The following C2orf49 variants were observed in gnomAD, a reference collection of about 807,000 sequenced individuals.
C2orf49 encodes the protein tRNA-splicing ligase complex subunit ASW.
Under a neutral mutation model 20.6 loss-of-function variants are expected in C2orf49, and 11 were observed. That is an observed-to-expected ratio of 0.53 (90% CI 0.34 to 0.88). The LOEUF (loss-of-function observed/expected upper bound fraction) is 0.88. Among genes scored for constraint, C2orf49 ranks in the 40% least tolerant of loss-of-function variants. The pLI is 0.02. For missense variants in C2orf49, 289 were observed against 274.2 expected, an observed-to-expected ratio of 1.05 and a Z score of -0.38; for synonymous variants, 134 against 108.5, an observed-to-expected ratio of 1.24 and a Z score of -1.46.
At chr2:105,364,143 C>G in the C2orf49 span, among the ~76,000 whole-genome samples, 2 of 152,264 alleles carry the variant, frequency 1.3e-5, no homozygotes, top group South Asian at 4.1e-4. Context: ...GTATTCCCAG[C>G]TACTCAGGAG....
At chr2:105,358,380 A>G in the C2orf49 span, 1 of 152,172 alleles carries the variant, frequency 6.6e-6, no homozygotes, top group Non-Finnish European at 1.5e-5. Flanking sequence ...GCCCCTCCCA[A>G]TGTGGAGCCT....
At chr2:105,363,676 G>A in the C2orf49 span, among the ~76,000 whole-genome samples, 28 of 152,222 alleles carry the variant, frequency 1.8e-4, no homozygotes, top group Non-Finnish European at 3.2e-4. Context: ...TGGCTTTCCC[G>A]TTAGTGAAAC....
downstream of C2orf49, among the ~76,000 whole-genome samples, chr2:105,351,351 C>T (rs1679932593): frequency 7.5e-6 from 1 of 132,506 alleles, no homozygotes; most frequent in Non-Finnish European, 1.6e-5. Context: ...TTTCTGTTTC[C>T]CCTTTTCATA....
the C2orf49 span, chr2:105,376,296 C>G: frequency 6.6e-6 from 1 of 152,132 alleles, no homozygotes. Flanking sequence ...AAATCCTGGT[C>G]GGGTCTGTGT....
the C2orf49 span, among the ~76,000 whole-genome samples, chr2:105,356,033 C>T: frequency 6.6e-6 from 1 of 152,144 alleles, no homozygotes; most frequent in African/African-American, 2.4e-5. Flanking sequence ...ATCGCTTGAG[C>T]CCAGGAGTTT....
downstream of C2orf49, among the ~76,000 whole-genome samples, chr2:105,350,966 TA>T (rs1457031592): frequency 6.6e-6 from 1 of 152,184 alleles, no homozygotes; most frequent in Non-Finnish European, 1.5e-5. Context: ...GGTACCATGT[TA>T]TTTAGTTGTC....
the C2orf49 span, among the ~76,000 whole-genome samples, chr2:105,379,019 C>A: frequency 1.3e-5 from 2 of 152,118 alleles, no homozygotes; most frequent in Non-Finnish European, 2.9e-5. Context: ...GTGGGTCAAG[C>A]GCCCGCCCCT....
the C2orf49 span, among the ~76,000 whole-genome samples, chr2:105,373,212 T>A: frequency 9.9e-5 from 15 of 152,226 alleles, no homozygotes; most frequent in East Asian, 2.9e-3. Context: ...GAGTACAAAT[T>A]CAGCAGGTAG....
In C2orf49 at chr2:105,346,096, A is replaced by C. The variant is rs1202554020; in HGVS notation, c.*725A>C. 1 of 152,054 alleles carries C rather than the reference A, an allele frequency of 6.6e-6. No homozygotes were observed. Among genetic ancestry groups the C allele is most frequent in the Non-Finnish European group, 1.5e-5 (1 of 68,014 alleles). 9.4% of individuals were successfully genotyped at this position (152,054 alleles called of 1,614,324 possible). On this transcript the variant is annotated 3_prime_UTR_variant, in exon 4 of 4. Transcript: ENST00000258457. ...ATTTTACTAGTTTGCCTGCCATTTT[A>C]TTTCTTTTACAAAGCAGAAGCATAT...
At chr2:105,365,950 A>T in the C2orf49 span, among the ~76,000 whole-genome samples, 1 of 152,204 alleles carries the variant, frequency 6.6e-6, no homozygotes, top group Non-Finnish European at 1.5e-5. Context: ...CACGCCTGTA[A>T]TCCCAGCACT....
At chr2:105,342,181 A>T (rs1272195628) in intron 2 of C2orf49, among the ~76,000 whole-genome samples, 1 of 152,204 alleles carries the variant, frequency 6.6e-6, no homozygotes, top group Middle Eastern at 3.4e-3. Context: ...TCAAAAATAA[A>T]TTTTTTTTCA....
the C2orf49 span, chr2:105,373,464 T>C: frequency 7.3e-7 from 1 of 1,373,598 alleles, no homozygotes; most frequent in Non-Finnish European, 1.0e-6. Flanking sequence ...AACACGAGTG[T>C]CTGGAACCAA....
the C2orf49 span, among the ~76,000 whole-genome samples, chr2:105,362,836 C>T: frequency 1.3e-5 from 2 of 152,182 alleles, no homozygotes; most frequent in Non-Finnish European, 2.9e-5. Context: ...TTAGAATGTA[C>T]CCTCTGCCCT....
chr2:105,352,429 G>GTTTTTTTTTTTTTTTTT (rs61585149), downstream of C2orf49, among the ~76,000 whole-genome samples: 5 of 80,758 alleles, frequency 6.2e-5, no homozygotes, highest in African/African-American at 1.0e-4. Flanking sequence ...GTTTGTTTGG[G>GTTTTTTTTTTTTTTTTT]TTTTTTTTTT....
intron 1 of C2orf49, 129 bp from the exon 2 acceptor site, chr2:105,339,454 G>GA: frequency 1.3e-6 from 1 of 774,044 alleles, no homozygotes; most frequent in South Asian, 1.8e-5. Context: ...CTAAGTGCGC[G>GA]TGTTATTGTG....
the C2orf49 span, among the ~76,000 whole-genome samples, chr2:105,364,110 T>G: frequency 1.3e-5 from 2 of 152,070 alleles, no homozygotes; most frequent in African/African-American, 4.8e-5. Context: ...TACAAAAAAT[T>G]AGCTGAGTGT....
At position 105,345,342 on chromosome 2, in the gene C2orf49, A is replaced by G; in HGVS notation, c.670A>G (p.Arg224Gly). The change falls in exon 4 of 4, where the codon AGG becomes GGG. Residue 224 changes from arginine (R) to glycine (G), a missense_variant. Physicochemically the swap from Arg to Gly is moderately radical, Grantham distance 125. Coordinates refer to ENST00000258457, the MANE Select transcript of C2orf49 (RefSeq NM_024093.3). Reference sequence around the variant, plus strand: ...TAACCTGAAGCCCCCACAAGCAAAAAGGAAGATACAACATGTTACTTGGCC... The same window carrying G: ...TAACCTGAAGCCCCCACAAGCAAAAGGGAAGATACAACATGTTACTTGGCC... ...MNNLKPPQAK[R>G]KIQHVTWP 6.2e-7 allele frequency: 1 copy of G among 1,613,532 alleles called. No homozygotes were observed. Among genetic ancestry groups the G allele is most frequent in the Non-Finnish European group, 8.5e-7 (1 of 1,179,846 alleles).
chr2:105,339,541 A>G (rs1460049207), intron 1 of C2orf49, 42 bp from the exon 2 acceptor site: 1 of 1,555,248 alleles, frequency 6.4e-7, no homozygotes, highest in South Asian at 1.2e-5. Context: ...TGTTAAAATT[A>G]AAAACATTGT....
chr2:105,339,714 A>C lies in C2orf49; in HGVS notation c.231A>C (p.Lys77Asn). 2 of 1,605,418 alleles carry C rather than the reference A, an allele frequency of 1.2e-6. No homozygotes were observed. The highest frequency in any genetic ancestry group is 1.7e-6 in the Non-Finnish European group (2 of 1,178,318). The change falls in exon 2 of 4, where the codon AAA (lysine) becomes AAC (asparagine). Residue 77 changes from lysine (K) to asparagine (N), a missense_variant. Coordinates refer to ENST00000258457, the MANE Select transcript of C2orf49 (RefSeq NM_024093.3). ...KNRWGKMMEKKREQHEIKNET... is the reference protein window; with the variant it reads ...KNRWGKMMEKNREQHEIKNET... ...GATGGGGGAAAATGATGGAAAAGAA[A>C]AGAGAACAACATGAGATTAAAAATG...
Sources: allele counts gnomAD v4.1 joint callset (sites outside exome capture counted in the v4.1 genomes callset), GRCh38; gene constraint gnomAD v4.1.1; transcripts MANE v1.5; gene names NCBI Gene and HGNC (gene_info 2026-07-23, HGNC 2026-07-21).